The following UBE2H variants were observed in gnomAD, a reference collection of about 807,000 sequenced individuals.
The protein encoded by UBE2H is ubiquitin-conjugating enzyme E2 H.
Under a neutral mutation model 29.0 loss-of-function variants are expected in UBE2H, and 3 were observed. That is an observed-to-expected ratio of 0.10 (90% confidence interval 0.05 to 0.27). UBE2H has a LOEUF of 0.27. Ranked by LOEUF, UBE2H falls within the 10% of genes least tolerant of loss-of-function variation. The probability of loss-of-function intolerance (pLI) is 1.00; values close to 1 mark genes in which losing one functional copy is unlikely to be tolerated. For missense variants in UBE2H, 68 were observed against 228.2 expected, an observed-to-expected ratio of 0.30 and a Z score of 4.52; for synonymous variants, 69 against 82.9, an observed-to-expected ratio of 0.83 and a Z score of 0.91.
intron 1 of UBE2H, among the ~76,000 whole-genome samples, chr7:129,931,836 CTTTTTT>C (rs372552075): frequency 7.6e-6 from 1 of 131,308 alleles, no homozygotes; most frequent in South Asian, 2.4e-4. Context: ...TTCTACTTTG[CTTTTTT>C]TTTTTTTTTT....
chr7:129,919,638 C>T (rs899636562), intron 1 of UBE2H, among the ~76,000 whole-genome samples: 2 of 152,206 alleles, frequency 1.3e-5, no homozygotes, highest in Non-Finnish European at 2.9e-5. Flanking sequence ...CTTGGAACAG[C>T]CCCATTTCCC....
chr7:129,851,949 A>G (rs1805617812), intron 5 of UBE2H, among the ~76,000 whole-genome samples: 1 of 152,218 alleles, frequency 6.6e-6, no homozygotes, highest in Admixed American at 6.5e-5. Context: ...ATTATGTACA[A>G]CAGGTGACAT....
chr7:129,852,307 A>G (rs79835951), intron 5 of UBE2H, among the ~76,000 whole-genome samples: 9,420 of 152,238 alleles, frequency 0.062, 368 homozygotes, highest in Non-Finnish European at 0.091. Flanking sequence ...TGTATTTTAA[A>G]TTTCTAAATG....
chr7:129,913,779 G>C (rs959043204), intron 1 of UBE2H, among the ~76,000 whole-genome samples: 6 of 152,040 alleles, frequency 3.9e-5, no homozygotes, highest in Non-Finnish European at 8.8e-5. Flanking sequence ...ACTCCAGCCT[G>C]AGCAAGAGCC....
At chr7:129,848,836 C>T (rs201052067) in intron 5 of UBE2H, among the ~76,000 whole-genome samples, 13 of 128,732 alleles carry the variant, frequency 1.0e-4, no homozygotes, top group East Asian at 2.3e-4. Flanking sequence ...AACCAGGTAG[C>T]TTTTTTTTTT....
At chr7:129,920,515 A>G (rs1458398307) in intron 1 of UBE2H, among the ~76,000 whole-genome samples, 1 of 152,188 alleles carries the variant, frequency 6.6e-6, no homozygotes, top group Non-Finnish European at 1.5e-5. Context: ...TACTTCTAAT[A>G]ATATCAATAA....
intron 1 of UBE2H, among the ~76,000 whole-genome samples, chr7:129,911,143 T>A (rs1252884276): frequency 6.6e-6 from 1 of 151,946 alleles, no homozygotes; most frequent in East Asian, 1.9e-4. Context: ...GGCGCGCAGA[T>A]CACAGGGTCA....
At chr7:129,902,264 C>T (rs189201438) in intron 1 of UBE2H, among the ~76,000 whole-genome samples, 26 of 152,176 alleles carry the variant, frequency 1.7e-4, no homozygotes, top group African/African-American at 5.3e-4. Context: ...TTTGGGAGGC[C>T]GAGGCGGATG....
Position 129,936,206 on chromosome 7 carries a change from C to T in UBE2H, c.53+16297G>A, listed in dbSNP as rs1807523954. On this transcript the variant is annotated intron_variant, in intron 1 of 6. Transcript: ENST00000355621. Reference sequence around the variant, plus strand: ...AAATAAAACTGCCAGAACTGGCAGACTAAAACCATCATGTTTTATCCAATT... The same window carrying T: ...AAATAAAACTGCCAGAACTGGCAGATTAAAACCATCATGTTTTATCCAATT... 1.3e-5 allele frequency among the ~76,000 whole-genome samples: 2 copies of T among 152,198 alleles called. 1 individual carries two copies. The highest frequency in any genetic ancestry group is 4.1e-4 in the South Asian group (2 of 4,830).
intron 5 of UBE2H, among the ~76,000 whole-genome samples, chr7:129,850,555 C>T (rs1805590005): frequency 6.6e-6 from 1 of 152,054 alleles, no homozygotes; most frequent in Non-Finnish European, 1.5e-5. Context: ...TGGTGGCACA[C>T]GCCTGTAATC....
intron 5 of UBE2H, among the ~76,000 whole-genome samples, chr7:129,853,909 G>T (rs544518569): frequency 1.4e-4 from 21 of 152,286 alleles, no homozygotes; most frequent in African/African-American, 4.6e-4. Flanking sequence ...TAAATGGCAG[G>T]AAATTTCACA....
At chr7:129,857,866 A>G (rs548927427) in intron 4 of UBE2H, among the ~76,000 whole-genome samples, 2 of 152,326 alleles carry the variant, frequency 1.3e-5, no homozygotes, top group Admixed American at 1.3e-4. Flanking sequence ...CCCAAGAAGG[A>G]CACCATCTTA....
intron 1 of UBE2H, among the ~76,000 whole-genome samples, chr7:129,886,748 C>A (rs1806368059): frequency 1.1e-5 from 1 of 90,810 alleles, no homozygotes; most frequent in Non-Finnish European, 2.2e-5. Flanking sequence ...TTTTCACTAC[C>A]TGGTTTTTTG....
intron 1 of UBE2H, among the ~76,000 whole-genome samples, chr7:129,897,225 C>A (rs1233986177): frequency 2.6e-5 from 4 of 152,048 alleles, no homozygotes; most frequent in African/African-American, 9.7e-5. Context: ...AATATAATCT[C>A]AAGAAAATTC....
At chr7:129,885,492 C>T (rs1806341277) in intron 1 of UBE2H, among the ~76,000 whole-genome samples, 1 of 151,280 alleles carries the variant, frequency 6.6e-6, no homozygotes, top group Admixed American at 6.6e-5. Context: ...AACGAGGTTC[C>T]TTCCATTTTG....
intron 1 of UBE2H, among the ~76,000 whole-genome samples, chr7:129,887,248 G>A (rs566056635): frequency 2.2e-5 from 3 of 135,184 alleles, no homozygotes; most frequent in African/African-American, 8.3e-5. Context: ...TTGAGATGGA[G>A]TCTTGCTCTG....
At chr7:129,905,331 C>T (rs2116432625) in intron 1 of UBE2H, among the ~76,000 whole-genome samples, 1 of 152,076 alleles carries the variant, frequency 6.6e-6, no homozygotes, top group African/African-American at 2.4e-5. Context: ...TTGTGTCAGA[C>T]CATTATACAT....
At chr7:129,891,810 CAAAA>C (rs60595166) in intron 1 of UBE2H, among the ~76,000 whole-genome samples, 26 of 145,530 alleles carry the variant, frequency 1.8e-4, no homozygotes, top group Non-Finnish European at 3.4e-4. Flanking sequence ...AAAACAAAAA[CAAAA>C]AAAAAAAAAA....
At chr7:129,871,842 A>G (rs765119889) in intron 3 of UBE2H, among the ~76,000 whole-genome samples, 27 of 152,080 alleles carry the variant, frequency 1.8e-4, no homozygotes, top group Non-Finnish European at 1.5e-4. Flanking sequence ...TTGCCTCCCC[A>G]GCCCCAAAAT....
Sources: gnomAD v4.1 joint callset for allele counts (sites outside exome capture counted in the v4.1 genomes callset) on GRCh38, gnomAD v4.1.1 for gene constraint, MANE v1.5 for transcripts, NCBI Gene and HGNC (gene_info 2026-07-23, HGNC 2026-07-21) for gene names.